Variants in PTPRJ observed in about 807,000 individuals in gnomAD.
The protein encoded by PTPRJ is protein tyrosine phosphatase receptor type J, also known as receptor-type tyrosine-protein phosphatase eta.
In PTPRJ, 129 loss-of-function variants were observed where a neutral mutation model predicts 141.3. The ratio of observed to expected loss-of-function variants is 0.91; its 90% CI spans 0.79 to 1.06. The LOEUF is 1.06. PTPRJ is among the 50% of genes least tolerant of loss of function. The probability of loss-of-function intolerance (pLI) is 0.00; values close to 1 mark genes in which losing one functional copy is unlikely to be tolerated. For synonymous variants in PTPRJ, 610 were observed against 640.5 expected, an observed-to-expected ratio of 0.95 and a Z score of 0.72; for missense variants, 1,601 against 1,679.7, an observed-to-expected ratio of 0.95 and a Z score of 0.82.
At chr11:48,039,515 G>A (rs1319458955) in intron 1 of PTPRJ, among the ~76,000 whole-genome samples, 1 of 151,544 alleles carries the variant, frequency 6.6e-6, no homozygotes. Context: ...GCACATGTGT[G>A]GCCTTTATTG....
chr11:48,111,653 T>C (rs567787842), intron 2 of PTPRJ, among the ~76,000 whole-genome samples: 1 of 152,268 alleles, frequency 6.6e-6, no homozygotes, highest in Non-Finnish European at 1.5e-5. Context: ...AACACTTCTA[T>C]TCAAACATCT....
chr11:48,048,255 C>G (rs1458758694), intron 1 of PTPRJ, among the ~76,000 whole-genome samples: 1 of 152,010 alleles, frequency 6.6e-6, no homozygotes. Flanking sequence ...ACAGGTAATC[C>G]CAAGCAGCTC....
At chr11:48,028,516 C>T (rs1407307234) in intron 1 of PTPRJ, among the ~76,000 whole-genome samples, 1 of 152,144 alleles carries the variant, frequency 6.6e-6, no homozygotes, top group Non-Finnish European at 1.5e-5. Context: ...AGCTGCTGGG[C>T]GTGGTGGCTC....
intron 6 of PTPRJ, 110 bp from the exon 7 acceptor site, chr11:48,127,670 G>A (rs1430691895): frequency 8.6e-7 from 1 of 1,156,508 alleles, no homozygotes; most frequent in African/African-American, 1.5e-5. Context: ...GAGGAGGAAG[G>A]AACACTCCCC....
rs1340048583 is a variant in PTPRJ, at chr11:48,167,224, T to A, written c.3876T>A (p.Asn1292Lys). ...VQTEDQYVFLNQCVLDIVRSQ... is the reference protein window; with the variant it reads ...VQTEDQYVFLKQCVLDIVRSQ... ...ATCAGGACCAGTATGTTTTCCTCAATCAGTGTGTTTTGGATATTGTCAGAT... is the reference window on the plus strand; with the variant it reads ...ATCAGGACCAGTATGTTTTCCTCAAACAGTGTGTTTTGGATATTGTCAGAT... The change falls in exon 25 of 25, where the codon AAT (asparagine) becomes AAA (lysine). Residue 1292 changes from asparagine (N) to lysine (K), a missense_variant. Physicochemically the swap from Asn to Lys is moderately conservative, Grantham distance 94. Coordinates refer to ENST00000418331, the MANE Select transcript of PTPRJ (RefSeq NM_002843.4). 1 of 1,612,378 alleles carries A rather than the reference T, an allele frequency of 6.2e-7. No individual in the cohort carries two copies. The highest frequency in any genetic ancestry group is 1.3e-5 in the African/African-American group (1 of 74,980).
intron 1 of PTPRJ, among the ~76,000 whole-genome samples, chr11:48,082,348 A>G (rs1855581113): frequency 6.6e-6 from 1 of 151,134 alleles, no homozygotes; most frequent in Admixed American, 6.6e-5. Context: ...GCCTCAAGTG[A>G]TCCTCCTGCT....
At chr11:48,114,263 C>T (rs1285912719) in intron 3 of PTPRJ, among the ~76,000 whole-genome samples, 1 of 151,696 alleles carries the variant, frequency 6.6e-6, no homozygotes, top group Non-Finnish European at 1.5e-5. Context: ...CATGGCAAAA[C>T]CCCGTCTCTG....
chr11:48,092,327 A>T (rs1532755), intron 1 of PTPRJ, among the ~76,000 whole-genome samples: 1 of 149,226 alleles, frequency 6.7e-6, no homozygotes, highest in South Asian at 2.1e-4. Context: ...AGAAAAAGAA[A>T]AAAAGAAATG....
chr11:48,040,555 G>A (rs1259835069), intron 1 of PTPRJ, among the ~76,000 whole-genome samples: 3 of 151,886 alleles, frequency 2.0e-5, no homozygotes, highest in African/African-American at 7.3e-5. Context: ...AGGGTGATAG[G>A]ACAGGTGACT....
chr11:48,135,982 G>A, intron 8 of PTPRJ, 57 bp from the exon 9 acceptor site: 1 of 1,574,586 alleles, frequency 6.4e-7, no homozygotes, highest in Non-Finnish European at 8.6e-7. Flanking sequence ...ACTTGGAGAG[G>A]AAGCTGGGCG....
intron 14 of PTPRJ, among the ~76,000 whole-genome samples, chr11:48,145,768 A>G (rs998972567): frequency 6.6e-6 from 1 of 152,120 alleles, no homozygotes; most frequent in Non-Finnish European, 1.5e-5. Context: ...TCTGTTGGCC[A>G]GGCTGGTCTC....
At chr11:48,166,918 C>T (rs536431359) in intron 24 of PTPRJ, among the ~76,000 whole-genome samples, 1 of 152,278 alleles carries the variant, frequency 6.6e-6, no homozygotes, top group African/African-American at 2.4e-5. Context: ...TACATTTCCT[C>T]CTTCCTTTGC....
At chr11:48,148,587 G>A (rs887899448) in intron 15 of PTPRJ, among the ~76,000 whole-genome samples, 9 of 152,074 alleles carry the variant, frequency 5.9e-5, no homozygotes, top group Non-Finnish European at 1.3e-4. Flanking sequence ...ACAGGTGCCC[G>A]CCACCATGCC....
At chr11:47,988,823 T>C (rs1854115200) in intron 1 of PTPRJ, among the ~76,000 whole-genome samples, 1 of 151,372 alleles carries the variant, frequency 6.6e-6, no homozygotes, top group African/African-American at 2.4e-5. Context: ...TACCGTCTCA[T>C]CTGAAATGAA....
In PTPRJ at chr11:48,169,900, G is replaced by A. The variant is rs1479115373; in HGVS notation, c.*2538G>A. On this transcript the variant is annotated 3_prime_UTR_variant, in exon 25 of 25. Transcript: ENST00000418331. ...GGGCAGGTCACACGAAGGTCACGAT[G>A]CTTCTCTGCATCCTGAAAAGGGCTG... 1 of 152,244 alleles carries A rather than the reference G, an allele frequency of 6.6e-6. No individual in the cohort carries two copies. Among genetic ancestry groups the A allele is most frequent in the African/African-American group, 2.4e-5 (1 of 41,428 alleles). 9.4% of individuals were successfully genotyped at this position (152,244 alleles called of 1,614,324 possible).
intron 1 of PTPRJ, among the ~76,000 whole-genome samples, chr11:48,105,268 G>C (rs1856259358): frequency 6.6e-6 from 1 of 151,710 alleles, no homozygotes; most frequent in Admixed American, 6.6e-5. Context: ...TTTCTTGCCT[G>C]TGAGCTCTTG....
At chr11:48,134,211 T>C (rs1032268954) in intron 8 of PTPRJ, among the ~76,000 whole-genome samples, 2 of 152,270 alleles carry the variant, frequency 1.3e-5, no homozygotes, top group Non-Finnish European at 2.9e-5. Context: ...TACATTTTGC[T>C]TGTATACTGT....
intron 7 of PTPRJ, among the ~76,000 whole-genome samples, chr11:48,129,587 A>T (rs1856922688): frequency 6.6e-6 from 1 of 152,190 alleles, no homozygotes. Flanking sequence ...AGCTCATAAC[A>T]GTTGAGGAGC....
chr11:48,141,581 G>A (rs114859369), intron 11 of PTPRJ, among the ~76,000 whole-genome samples: 137 of 152,238 alleles, frequency 9.0e-4, no homozygotes, highest in African/African-American at 3.2e-3. Flanking sequence ...GCTCTCAGCT[G>A]ACCAGCTGAT....
Sources: gnomAD v4.1 joint callset for allele counts (sites outside exome capture counted in the v4.1 genomes callset) on GRCh38, gnomAD v4.1.1 for gene constraint, MANE v1.5 for transcripts, NCBI Gene and HGNC (gene_info 2026-07-23, HGNC 2026-07-21) for gene names.